Variants in STAG3 observed in about 807,000 individuals in gnomAD.
STAG3 encodes the protein cohesin subunit SA-3.
Under a neutral mutation model 160.7 loss-of-function variants are expected in STAG3, and 101 were observed. That is an observed-to-expected ratio of 0.63 (90% CI 0.54 to 0.74). STAG3 has a LOEUF of 0.74. Among genes scored for constraint, STAG3 ranks in the 30% least tolerant of loss-of-function variants. STAG3 has a pLI of 0.00. For missense variants in STAG3, 1,188 were observed against 1,517.4 expected (o/e 0.78, Z 3.61); for synonymous variants, 519 against 585.0 (o/e 0.89, Z 1.63).
At chr7:100,179,822 G>A (rs1184398772) in intron 1 of STAG3, among the ~76,000 whole-genome samples, 1 of 152,104 alleles carries the variant, frequency 6.6e-6, no homozygotes, top group Admixed American at 6.5e-5. Context: ...CACAACCTCC[G>A]CCTTCTAGGT....
Position 100,202,359 on chromosome 7 carries a change from T to C in STAG3, c.2563+19T>C. The C allele has an allele frequency of 6.2e-6, 10 of 1,612,316 alleles. No homozygotes were observed. The highest frequency in any genetic ancestry group is 8.5e-6 in the Non-Finnish European group (10 of 1,178,904). ...GGCAGTGGTGCAGTGACTCTATACC[T>C]GGGGCTCAGTAAGGGCTGGGGCTTG... On this transcript the variant is annotated intron_variant, in intron 24 of 33. Transcript: ENST00000615138.
At chr7:100,218,664 C>T (rs141018119), downstream of STAG3, 237 of 390,682 alleles carry the variant, frequency 6.1e-4, 39 homozygotes, top group East Asian at 0.02. Flanking sequence ...ATCCTTATAA[C>T]TCCAGGTGAC....
intron 5 of STAG3, among the ~76,000 whole-genome samples, chr7:100,187,560 C>G (rs1288526038): frequency 3.9e-5 from 6 of 152,306 alleles, no homozygotes; most frequent in Non-Finnish European, 7.3e-5. Context: ...GGAGGTGCAG[C>G]CTGGCCCTTC....
At chr7:100,215,461 C>T (rs1000411143), downstream of STAG3, among the ~76,000 whole-genome samples, 2 of 152,044 alleles carry the variant, frequency 1.3e-5, no homozygotes, top group Admixed American at 6.5e-5. Context: ...ACTCATTGAG[C>T]GATCTTTCGC....
At chr7:100,178,126 C>T (rs1413859506) in intron 1 of STAG3, 121 bp downstream of exon 1, 1 of 4,620 alleles carries the variant, frequency 2.2e-4, no homozygotes, top group African/African-American at 1.1e-3. Context: ...TAGGAGCCTT[C>T]CCGGGCCGTG....
chr7:100,210,605 C>T (rs1802095714), intron 29 of STAG3, among the ~76,000 whole-genome samples: 1 of 152,112 alleles, frequency 6.6e-6, no homozygotes, highest in Admixed American at 6.6e-5. Flanking sequence ...TTTTTCTGAC[C>T]ACAGAAATCT....
rs1563000103 is a variant in STAG3, at chr7:100,207,389, C to CT, written c.3238+2012dup. Among the ~76,000 whole-genome samples the CT allele has an allele frequency of 6.6e-6, 1 of 152,064 alleles. No individual in the cohort carries two copies. The highest frequency in any genetic ancestry group is 1.5e-5 in the Non-Finnish European group (1 of 68,002). Reference sequence around the variant, plus strand: ...TGTTGTCACCGGTACTTATTAATGTCTTTTTTTATTTTATCCATCTCCTAG... The same window carrying CT: ...TGTTGTCACCGGTACTTATTAATGTCTTTTTTTTATTTTATCCATCTCCTAG... On this transcript the variant is annotated intron_variant, in intron 29 of 33. Transcript: ENST00000615138. The surrounding 1 kb of genome is among the most constrained non-coding windows in gnomAD (Gnocchi z 4.0).
chr7:100,205,084 C>G lies in STAG3; in HGVS notation c.3031C>G (p.Leu1011Val). ...GCCTCCAAATCTGGCATTCCTGGAG[C>G]TCCTTTCAGAGTTTTCCCCCCGACT... ...NQPPNLAFLELLSEFSPRLFH... is the reference protein window; with the variant it reads ...NQPPNLAFLEVLSEFSPRLFH... The change falls in exon 28 of 34, where the codon CTC (leucine) becomes GTC (valine). Residue 1011 changes from leucine (L) to valine (V), a missense_variant. This residue lies in a region of STAG3 where 647 missense variants were observed against 717.2 expected (regional missense o/e 0.90). Coordinates refer to ENST00000615138, the MANE Select transcript of STAG3 (RefSeq NM_001282717.2). 1.2e-6 allele frequency: 2 copies of G among 1,614,168 alleles called. No homozygotes were observed. The highest frequency in any genetic ancestry group is 2.2e-5 in the South Asian group (2 of 91,078).
chr7:100,203,886 G>C (rs1459308063), intron 25 of STAG3, 135 bp from the exon 26 acceptor site: 2 of 601,910 alleles, frequency 3.3e-6, no homozygotes, highest in African/African-American at 3.7e-5. Flanking sequence ...AGTCTAGTCT[G>C]AATTATTTTA....
In STAG3 at chr7:100,214,279, CTG is replaced by C. The variant is rs1477819765; in HGVS notation, c.*268_*269del. The stretch of plus-strand genomic sequence containing the variant: ...TTTGGAGTGGAGAAGGGCAGCACCT[CTG>C]TGTTTAATGGAAATAGCCCATAGTC... On this transcript the variant is annotated 3_prime_UTR_variant, in exon 34 of 34. Transcript: ENST00000615138. 7.9e-5 allele frequency: 42 copies of C among 529,784 alleles called. No individual in the cohort carries two copies. Among genetic ancestry groups the C allele is most frequent in the African/African-American group, 7.2e-4 (38 of 52,878 alleles). 32.8% of individuals were successfully genotyped at this position (529,784 alleles called of 1,614,324 possible).
At chr7:100,204,930 T>C (rs1231050967) in intron 27 of STAG3, 75 bp from the exon 28 acceptor site, 15 of 1,579,896 alleles carry the variant, frequency 9.5e-6, no homozygotes, top group Non-Finnish European at 1.3e-5. Flanking sequence ...GGAGGGTGCA[T>C]TTGGACAGGA....
At chr7:100,184,272 A>T (rs1799834321) in intron 4 of STAG3, among the ~76,000 whole-genome samples, 1 of 151,990 alleles carries the variant, frequency 6.6e-6, no homozygotes, top group South Asian at 2.1e-4. Context: ...TCTCAAAAAA[A>T]AAAAAAGAAA....
In STAG3 at chr7:100,198,196, T is replaced by C. The variant is rs772815156; in HGVS notation, c.1244+30T>C. On this transcript the variant is annotated intron_variant, in intron 12 of 33. Coordinates refer to ENST00000615138, the MANE Select transcript of STAG3 (RefSeq NM_001282717.2). ...GTCCTGGGAAGAGGGGAGGCCAGTG[T>C]CTCAGACCTTTGCCCTTCCAGGGTC... is the stretch of plus-strand genomic sequence containing the variant. The C allele has an allele frequency of 1.9e-6, 3 of 1,603,930 alleles. No individual in the cohort carries two copies. The Admixed American group carries it at 5.0e-5, about 27-fold the overall frequency.
intron 16 of STAG3, chr7:100,200,032 C>T (rs893176070): frequency 1.9e-6 from 1 of 525,106 alleles, no homozygotes; most frequent in African/African-American, 1.9e-5. Context: ...CGCCACTGCA[C>T]TCCAGCCTGG....
chr7:100,212,045 C>G, intron 32 of STAG3, 169 bp downstream of exon 32: 1 of 559,142 alleles, frequency 1.8e-6, no homozygotes, highest in Non-Finnish European at 3.1e-6. Context: ...TGCTTGGACT[C>G]TACTTTTATT....
chr7:100,200,384 C>T, intron 17 of STAG3, 56 bp downstream of exon 17: 10 of 1,612,918 alleles, frequency 6.2e-6, no homozygotes, highest in Non-Finnish European at 6.8e-6. Context: ...GAAATGGCCT[C>T]TGTGGGGGTG....
intron 2 of STAG3, among the ~76,000 whole-genome samples, chr7:100,181,105 T>C (rs959455578): frequency 6.6e-6 from 1 of 152,134 alleles, no homozygotes; most frequent in Non-Finnish European, 1.5e-5. Flanking sequence ...AAGAGTTCTT[T>C]ATTTGTTGCC....
chr7:100,186,844 GTCTTTCT>G (rs1219091736), intron 5 of STAG3, among the ~76,000 whole-genome samples: 365 of 152,202 alleles, frequency 2.4e-3, no homozygotes, highest in African/African-American at 8.1e-3. Flanking sequence ...ACACCCTTTG[GTCTTTCT>G]GGATGCAATA....
Position 100,197,281 on chromosome 7 carries a change from T to G in STAG3, c.1065+2T>G. On this transcript the variant is annotated splice_donor_variant, in intron 10 of 33. Coordinates refer to ENST00000615138, the MANE Select transcript of STAG3 (RefSeq NM_001282717.2). LOFTEE classifies it high-confidence loss of function. Reference sequence around the variant, plus strand: ...ATTGGTTGGACTCTGCATGATAAGGTGGGATTCGAGTCAGTTTCCCTTTCC... The same window carrying G: ...ATTGGTTGGACTCTGCATGATAAGGGGGGATTCGAGTCAGTTTCCCTTTCC... The G allele has an allele frequency of 6.2e-7, 1 of 1,608,348 alleles. No individual in the cohort carries two copies. The highest frequency in any genetic ancestry group is 8.5e-7 in the Non-Finnish European group (1 of 1,177,564).
Sources: gnomAD v4.1 joint callset for allele counts (sites outside exome capture counted in the v4.1 genomes callset) on GRCh38, gnomAD v4.1.1 for gene constraint, gnomAD v4.1.1 regional missense constraint, Gnocchi (gnomAD v3.1) non-coding constraint, MANE v1.5 for transcripts, NCBI Gene and HGNC (gene_info 2026-07-23, HGNC 2026-07-21) for gene names.